Variants in PHF20 observed in about 807,000 individuals in gnomAD.
PHF20 encodes PHD finger protein 20.
A neutral mutation model predicts 113.5 loss-of-function variants in PHF20; 23 were observed. The ratio of observed to expected loss-of-function variants is 0.20; its 90% CI spans 0.15 to 0.29. The LOEUF (loss-of-function observed/expected upper bound fraction) is 0.29. Ranked by LOEUF, PHF20 falls within the 10% of genes least tolerant of loss-of-function variation. The pLI is 1.00. For synonymous variants in PHF20, 434 were observed against 457.3 expected (o/e 0.95, Z 0.65); for missense variants, 943 against 1,219.6 (o/e 0.77, Z 3.38).
At chr20:35,919,522 TAG>T (rs1441212667) in intron 13 of PHF20, among the ~76,000 whole-genome samples, 1 of 152,106 alleles carries the variant, frequency 6.6e-6, no homozygotes, top group African/African-American at 2.4e-5. Context: ...GTATTTTTAG[TAG>T]AGACGGTGTT....
chr20:35,944,606 T>C (rs1419359660), intron 17 of PHF20, among the ~76,000 whole-genome samples: 3 of 152,162 alleles, frequency 2.0e-5, no homozygotes, highest in Non-Finnish European at 4.4e-5. Context: ...GTCTTGCTCT[T>C]TCTCGCCCAG....
At chr20:35,869,116 T>C (rs1481816796) in intron 6 of PHF20, among the ~76,000 whole-genome samples, 1 of 151,924 alleles carries the variant, frequency 6.6e-6, no homozygotes, top group African/African-American at 2.4e-5. Flanking sequence ...ACAAATTCTC[T>C]TGGACATTTT....
chr20:35,911,150 C>T (rs967374066), intron 10 of PHF20, among the ~76,000 whole-genome samples: 5 of 152,066 alleles, frequency 3.3e-5, no homozygotes, highest in Non-Finnish European at 7.4e-5. Context: ...ACGCCATTCT[C>T]CTGCCTCAGC....
At chr20:35,818,627 T>C (rs1231495843) in intron 2 of PHF20, among the ~76,000 whole-genome samples, 1 of 151,872 alleles carries the variant, frequency 6.6e-6, no homozygotes, top group Non-Finnish European at 1.5e-5. Context: ...CCTGGTACTC[T>C]TGGGCTCAAG....
chr20:35,945,447 G>A (rs886315378), intron 17 of PHF20, among the ~76,000 whole-genome samples: 1 of 152,206 alleles, frequency 6.6e-6, no homozygotes, highest in East Asian at 1.9e-4. Context: ...TAGGGTTGGG[G>A]AAGGCTTCCC....
chr20:35,927,589 G>T (rs1271258600), intron 13 of PHF20, among the ~76,000 whole-genome samples, 191 bp from the exon 14 acceptor site: 1 of 152,208 alleles, frequency 6.6e-6, no homozygotes, highest in Non-Finnish European at 1.5e-5. Flanking sequence ...CATGTGGCTA[G>T]TGGCTACCAT....
chr20:35,815,784 T>G (rs987100387), intron 2 of PHF20, among the ~76,000 whole-genome samples: 3 of 151,914 alleles, frequency 2.0e-5, no homozygotes, highest in African/African-American at 7.2e-5. Context: ...TTCCAGCTAC[T>G]TGGGAGGCCT....
intron 9 of PHF20, among the ~76,000 whole-genome samples, chr20:35,889,009 CTTTTTTTTTTTTTTTTT>C (rs566960589): frequency 3.0e-5 from 3 of 99,204 alleles, no homozygotes; most frequent in Non-Finnish European, 6.3e-5. Context: ...CTCTTAGTTT[CTTTTTTTTTTTTTTTTT>C]TTTTTTTTGA....
intron 2 of PHF20, among the ~76,000 whole-genome samples, chr20:35,828,267 G>A (rs1013426421): frequency 6.6e-6 from 1 of 152,070 alleles, no homozygotes; most frequent in Non-Finnish European, 1.5e-5. Flanking sequence ...CAGGTGATCC[G>A]CCCGCCTTGG....
chr20:35,933,784 C>T (rs899764524), intron 15 of PHF20, among the ~76,000 whole-genome samples: 6 of 152,178 alleles, frequency 3.9e-5, no homozygotes, highest in African/African-American at 7.2e-5. Flanking sequence ...CTGCCCATCT[C>T]GGCCTCCCAA....
chr20:35,781,619 A>C (rs746759660), intron 1 of PHF20, among the ~76,000 whole-genome samples: 6 of 152,174 alleles, frequency 3.9e-5, no homozygotes, highest in Non-Finnish European at 8.8e-5. Context: ...TTGTGCAACC[A>C]TCACCACTCT....
Position 35,842,611 on chromosome 20 carries a change from G to A in PHF20, c.122G>A (p.Gly41Glu). 1 of 1,614,016 alleles carries A rather than the reference G, an allele frequency of 6.2e-7. No individual in the cohort carries two copies. Among genetic ancestry groups the A allele is most frequent in the Non-Finnish European group, 8.5e-7 (1 of 1,179,976 alleles). Residue 41 changes from glycine to glutamate, a missense_variant, in exon 3 of 18, where the codon GGA becomes GAA. Coordinates refer to ENST00000374012, the MANE Select transcript of PHF20 (RefSeq NM_016436.5). ...AHIEDIDYEE[G>E]KVLIHFKRWN... ...ATAGAAGACATTGACTACGAGGAAG[G>A]AAAAGTACTCATCCATTTCAAGCGT...
intron 2 of PHF20, among the ~76,000 whole-genome samples, chr20:35,833,532 A>G (rs1438318635): frequency 3.3e-5 from 5 of 152,122 alleles, no homozygotes; most frequent in Non-Finnish European, 7.4e-5. Context: ...TGGTTTGTTT[A>G]TATATTTCTA....
chr20:35,899,403 G>T lies in PHF20; in HGVS notation c.1316G>T (p.Gly439Val), dbSNP rs190470977. The T allele has an allele frequency of 2.5e-5, 41 of 1,611,098 alleles. No individual in the cohort carries two copies. In the East Asian group the frequency reaches 8.9e-4, roughly 35 times the overall value. The change falls in exon 10 of 18, where the codon GGG (glycine) becomes GTG (valine). Residue 439 changes from glycine (G) to valine (V), a missense_variant. Physicochemically the swap from Gly to Val is moderately radical, Grantham distance 109. Coordinates refer to ENST00000374012, the MANE Select transcript of PHF20 (RefSeq NM_016436.5). ...ACTTTTAAGAAAACAGATGATTTTG[G>T]GTCATCTAATGCACCAGCTGTCGAC... The part of the protein sequence containing the change: ...TNTFKKTDDF[G>V]SSNAPAVDLD...
intron 13 of PHF20, among the ~76,000 whole-genome samples, chr20:35,921,414 T>C (rs920441704): frequency 2.0e-5 from 3 of 152,010 alleles, no homozygotes; most frequent in African/African-American, 4.8e-5. Flanking sequence ...TAATTGTTGG[T>C]TGGGCATGCT....
intron 2 of PHF20, among the ~76,000 whole-genome samples, chr20:35,827,762 A>G (rs993676322): frequency 8.7e-5 from 13 of 149,166 alleles, no homozygotes; most frequent in Non-Finnish European, 1.8e-4. Context: ...CAGCCTGGGC[A>G]ACAGAGCGAG....
At position 35,801,501 on chromosome 20, in the gene PHF20, G is replaced by A. The variant is rs766341398; in HGVS notation, c.-22G>A. The A allele has an allele frequency of 1.1e-5, 18 of 1,578,092 alleles. No individual in the cohort carries two copies. In the African/African-American group the frequency reaches 2.0e-4, roughly 18 times the overall value. On this transcript the variant is annotated 5_prime_UTR_variant, in exon 2 of 18. Transcript: ENST00000374012. The stretch of plus-strand genomic sequence containing the variant: ...AATTGGCTTTTTCAGGAGAATAAAG[G>A]CAGCCCCGTTGATGACTGAAAATGA...
chr20:35,917,240 C>T lies in PHF20; in HGVS notation c.1826-244C>T, dbSNP rs563192861. 2.9e-5 allele frequency: 17 copies of T among 589,948 alleles called. No homozygotes were observed. The East Asian group carries it at 5.8e-4, about 20-fold the overall frequency. The allele number at this position is 589,948 out of a possible 1,614,324, so 36.5% of individuals were successfully genotyped here. A position where few individuals can be genotyped will look rare whatever the true frequency, so the allele number is the denominator to read the frequency against. On this transcript the variant is annotated intron_variant, in intron 12 of 17. Transcript: ENST00000374012. ...TTCTATGATCTTGAGTAGCCACTGC[C>T]GTTGGGCTTCATTCTCTCAGTGAAA...
chr20:35,840,240 A>C (rs778123778), intron 2 of PHF20, among the ~76,000 whole-genome samples: 3 of 152,054 alleles, frequency 2.0e-5, no homozygotes, highest in Non-Finnish European at 4.4e-5. Flanking sequence ...TGCATACAAT[A>C]TTTTTCTTTA....
Sources: gnomAD v4.1 joint callset for allele counts (sites outside exome capture counted in the v4.1 genomes callset) on GRCh38, gnomAD v4.1.1 for gene constraint, MANE v1.5 for transcripts, NCBI Gene and HGNC (gene_info 2026-07-23, HGNC 2026-07-21) for gene names.